Variants in LAMA2 observed in about 807,000 individuals in gnomAD.
LAMA2 encodes the protein laminin subunit alpha-2.
LAMA2 carries 269 observed loss-of-function variants against 364.8 expected under a neutral mutation model. The observed-to-expected ratio is 0.74, with a 90% CI of 0.67 to 0.82. The LOEUF (loss-of-function observed/expected upper bound fraction) is 0.82. Ranked by LOEUF, LAMA2 falls within the 40% of genes least tolerant of loss-of-function variation. LAMA2 has a pLI of 0.00. For synonymous variants in LAMA2, 1,379 were observed against 1,370.6 expected (o/e 1.01, Z -0.14); for missense variants, 3,807 against 3,873.2 (o/e 0.98, Z 0.45).
intron 12 of LAMA2, among the ~76,000 whole-genome samples, chr6:129,218,538 A>G (rs2115089130): frequency 6.6e-6 from 1 of 152,300 alleles, no homozygotes; most frequent in South Asian, 2.1e-4. Flanking sequence ...AGTAGGCTGT[A>G]AGTTAAAATA....
intron 30 of LAMA2, among the ~76,000 whole-genome samples, chr6:129,347,080 A>G (rs1776596838): frequency 6.6e-6 from 1 of 152,144 alleles, no homozygotes; most frequent in Admixed American, 6.6e-5. Context: ...GCAAAGCTCT[A>G]ATGAATATCT....
chr6:129,282,636 A>G (rs926923231), intron 18 of LAMA2, among the ~76,000 whole-genome samples: 6 of 152,086 alleles, frequency 3.9e-5, no homozygotes, highest in African/African-American at 1.4e-4. Context: ...CTGCTGACCT[A>G]TCCCTTTTTC....
chr6:128,889,595 C>T (rs1046661416), intron 1 of LAMA2, among the ~76,000 whole-genome samples: 2 of 152,012 alleles, frequency 1.3e-5, no homozygotes, highest in African/African-American at 4.8e-5. Flanking sequence ...TCTTTATTTT[C>T]CTTTTCCCTT....
intron 12 of LAMA2, among the ~76,000 whole-genome samples, chr6:129,200,039 A>G (rs1782091889): frequency 6.6e-6 from 1 of 151,220 alleles, no homozygotes; most frequent in Non-Finnish European, 1.5e-5. Flanking sequence ...AGATTGGGTC[A>G]CTGCACTCCA....
chr6:129,282,524 A>AT (rs1788792979), intron 18 of LAMA2, among the ~76,000 whole-genome samples: 1 of 152,110 alleles, frequency 6.6e-6, no homozygotes, highest in African/African-American at 2.4e-5. Context: ...AAGGCCTTAT[A>AT]TGCAAGGGTA....
At chr6:129,340,735 G>T (rs1324795712) in intron 29 of LAMA2, among the ~76,000 whole-genome samples, 3 of 150,572 alleles carry the variant, frequency 2.0e-5, no homozygotes, top group Non-Finnish European at 4.4e-5. Flanking sequence ...TACTCGGGAA[G>T]GTGAGGCAGG....
At chr6:129,230,617 A>T (rs187013147) in intron 12 of LAMA2, among the ~76,000 whole-genome samples, 65 of 152,232 alleles carry the variant, frequency 4.3e-4, no homozygotes, top group African/African-American at 1.5e-3. Context: ...AAAAGTATCC[A>T]GGAACATAGC....
intron 1 of LAMA2, among the ~76,000 whole-genome samples, chr6:128,988,489 C>G (rs1783410748): frequency 6.6e-6 from 1 of 152,134 alleles, no homozygotes; most frequent in Non-Finnish European, 1.5e-5. Flanking sequence ...ACAAAACCTG[C>G]TAAACCAGCA....
chr6:129,126,241 A>G (rs545010818), intron 4 of LAMA2, among the ~76,000 whole-genome samples: 1 of 152,312 alleles, frequency 6.6e-6, no homozygotes. Context: ...GCCATCTAAA[A>G]TGTCCTTCCA....
rs141526373 is a variant in LAMA2, at chr6:129,387,894, C to T, written c.5072-3597C>T. Among the ~76,000 whole-genome samples the T allele has an allele frequency of 4.6e-5, 7 of 152,166 alleles. No homozygotes were observed. The East Asian group carries it at 1.4e-3, about 29-fold the overall frequency. ...GGAGGGGAACAACACACACTGGAGT[C>T]TATTGGGGGTTGTGGGGAGAGGAAA... On this transcript the variant is annotated intron_variant, in intron 35 of 64. Transcript: ENST00000421865.
At chr6:128,902,321 A>G (rs1026802555) in intron 1 of LAMA2, among the ~76,000 whole-genome samples, 5 of 152,222 alleles carry the variant, frequency 3.3e-5, no homozygotes, top group African/African-American at 1.2e-4. Flanking sequence ...AAATATTTCC[A>G]GTTGAAAGTA....
chr6:129,464,024 C>A (rs57996601), intron 49 of LAMA2, among the ~76,000 whole-genome samples: 1 of 151,908 alleles, frequency 6.6e-6, no homozygotes, highest in African/African-American at 2.4e-5. Flanking sequence ...ATATAACTAT[C>A]TACTACCAAG....
At chr6:129,077,653 A>G (rs896140732) in intron 3 of LAMA2, among the ~76,000 whole-genome samples, 3 of 152,322 alleles carry the variant, frequency 2.0e-5, no homozygotes, top group African/African-American at 4.8e-5. Flanking sequence ...AGAGAACCCT[A>G]TGTGCTGTAT....
Position 129,297,714 on chromosome 6 carries a change from G to C in LAMA2, c.2886G>C (p.Arg962Ser), listed in dbSNP as rs748377624. 1.2e-6 allele frequency: 2 copies of C among 1,613,992 alleles called. No individual in the cohort carries two copies. Among genetic ancestry groups the C allele is most frequent in the East Asian group, 4.5e-5 (2 of 44,878 alleles). ...KAGTFGLQSA[R>S]GCVPCNCNSF... ...GGACCTTTGGCCTACAATCAGCAAG[G>C]GGCTGTGTTCCCTGCAACTGCAATT... The change falls in exon 21 of 65, where the codon AGG becomes AGC. Residue 962 changes from arginine (R) to serine (S), a missense_variant. This residue lies in a region of LAMA2 where 3,333 missense variants were observed against 3,345.7 expected (regional missense o/e 1.00). Transcript: ENST00000421865.
chr6:129,395,164 C>T lies in LAMA2; in HGVS notation c.5445+1909C>T, dbSNP rs1026349895. Among the ~76,000 whole-genome samples, 6 of 151,622 alleles carry T rather than the reference C, an allele frequency of 4.0e-5. 1 individual carries two copies. The highest frequency in any genetic ancestry group is 1.5e-4 in the African/African-American group (6 of 41,236). On this transcript the variant is annotated intron_variant, in intron 37 of 64. Transcript: ENST00000421865. ...CCCCATGTGTACATTCTAACACTCTCCCTGGGCTAATCTGATGCCTATACA... is the reference window on the plus strand; with the variant it reads ...CCCCATGTGTACATTCTAACACTCTTCCTGGGCTAATCTGATGCCTATACA...
chr6:128,911,766 A>G (rs1470239881), intron 1 of LAMA2, among the ~76,000 whole-genome samples: 1 of 152,170 alleles, frequency 6.6e-6, no homozygotes, highest in East Asian at 1.9e-4. Flanking sequence ...CCCAACAACA[A>G]CAAAAAATAG....
chr6:129,512,605 T>C, intron 63 of LAMA2, 112 bp downstream of exon 63: 2 of 1,195,742 alleles, frequency 1.7e-6, no homozygotes, highest in Non-Finnish European at 2.5e-6. Context: ...TATTCTTTGT[T>C]GGGAGAAAGC....
chr6:129,123,276 A>C (rs1219532171), intron 4 of LAMA2, among the ~76,000 whole-genome samples: 1 of 151,704 alleles, frequency 6.6e-6, no homozygotes, highest in South Asian at 2.1e-4. Flanking sequence ...ACTGCACTTC[A>C]GCCTGAGCGA....
Position 129,453,077 on chromosome 6 carries a change from C to A in LAMA2, c.6519C>A (p.Asn2173Lys). 3.1e-6 allele frequency: 5 copies of A among 1,612,870 alleles called. No individual in the cohort carries two copies. Among genetic ancestry groups the A allele is most frequent in the Non-Finnish European group, 4.2e-6 (5 of 1,179,298 alleles). The change falls in exon 46 of 65, where the codon AAC becomes AAA. Residue 2173 changes from asparagine (N) to lysine (K), a missense_variant. Asn to Lys is a moderately conservative substitution (Grantham distance 94, BLOSUM62 0). Transcript: ENST00000421865. ...GAAGTTACAATAATATTGTTGTCAA[C>A]GTAAAGACAGCTGTTGCTGATAACC... ...KKGSYNNIVV[N>K]VKTAVADNLL... is the part of the protein sequence containing the mutation.
Sources: allele counts gnomAD v4.1 joint callset (sites outside exome capture counted in the v4.1 genomes callset), GRCh38; gene constraint gnomAD v4.1.1; regional missense constraint gnomAD v4.1.1; transcripts MANE v1.5; gene names NCBI Gene and HGNC (gene_info 2026-07-23, HGNC 2026-07-21).